The following CATSPERD variants were observed in gnomAD, a reference collection of about 807,000 sequenced individuals.
The protein encoded by CATSPERD is catsper channel auxiliary subunit delta.
In CATSPERD, 86 loss-of-function variants were observed where a neutral mutation model predicts 98.1. The observed-to-expected ratio is 0.88, with a 90% CI of 0.74 to 1.05. CATSPERD has a LOEUF of 1.05. Ranked by LOEUF, CATSPERD falls within the 50% of genes least tolerant of loss-of-function variation. The pLI is 0.00. For synonymous variants in CATSPERD, 394 were observed against 390.2 expected, an observed-to-expected ratio of 1.01 and a Z score of -0.12; for missense variants, 995 against 1,005.7, an observed-to-expected ratio of 0.99 and a Z score of 0.14.
At position 5,757,915 on chromosome 19, in the gene CATSPERD, A is replaced by G. The variant is rs776576982; in HGVS notation, c.1351A>G (p.Asn451Asp). 1.9e-6 allele frequency: 3 copies of G among 1,612,582 alleles called. No individual in the cohort carries two copies. The highest frequency in any genetic ancestry group is 2.5e-6 in the Non-Finnish European group (3 of 1,179,520). ...FYENGYTSDG[N>D]TKYKLDIFLK... is the part of the protein sequence containing the mutation. Reference sequence around the variant, plus strand: ...CGAGAACGGTTACACATCAGATGGGAACACCAAGTACAAACTGGTGAGCCG... The same window carrying G: ...CGAGAACGGTTACACATCAGATGGGGACACCAAGTACAAACTGGTGAGCCG... Residue 451 changes from asparagine to aspartate, a missense_variant, in exon 14 of 22, where the codon AAC (asparagine) becomes GAC (aspartate). Physicochemically the swap from Asn to Asp is conservative, Grantham distance 23. Around this residue, in one of 3 missense-constraint regions of CATSPERD, gnomAD observed 762 missense variants for 773.7 expected, o/e 0.98. Transcript: ENST00000381624.
chr19:5,777,681 G>A (rs566159136), intron 21 of CATSPERD, among the ~76,000 whole-genome samples: 1 of 152,090 alleles, frequency 6.6e-6, no homozygotes, highest in Non-Finnish European at 1.5e-5. Flanking sequence ...TCAGGAGTTC[G>A]AGACAAGCCT....
chr19:5,756,836 G>A (rs1009816671), intron 13 of CATSPERD, among the ~76,000 whole-genome samples: 4 of 151,782 alleles, frequency 2.6e-5, no homozygotes, highest in African/African-American at 7.3e-5. Flanking sequence ...CCAGCTACTC[G>A]GGAGGCTGAC....
intron 4 of CATSPERD, among the ~76,000 whole-genome samples, chr19:5,733,347 T>TCTTC (rs61055847): frequency 0.38 from 51,333 of 134,760 alleles, 10,767 homozygotes; most frequent in East Asian, 0.69. Flanking sequence ...TTTCTTTCTT[T>TCTTC]CTTCCTTCCT....
intron 18 of CATSPERD, 68 bp downstream of exon 18, chr19:5,768,310 A>T: frequency 8.7e-7 from 1 of 1,152,552 alleles, no homozygotes; most frequent in African/African-American, 1.7e-5. Context: ...AGCCAAGAGC[A>T]AATTAGGAAT....
chr19:5,776,050 T>C lies in CATSPERD; in HGVS notation c.1942-111T>C, dbSNP rs1440048158. On this transcript the variant is annotated intron_variant, in intron 20 of 21. Transcript: ENST00000381624. ...GCACTTGGCCCCAGAGTCCCACCCATGCGTGCCTAATGAGGACTGGGGTGG... is the reference window on the plus strand; with the variant it reads ...GCACTTGGCCCCAGAGTCCCACCCACGCGTGCCTAATGAGGACTGGGGTGG... 4.3e-6 allele frequency: 5 copies of C among 1,167,212 alleles called. No homozygotes were observed. The African/African-American group carries it at 4.6e-5, about 11-fold the overall frequency. The allele number at this position is 1,167,212 out of a possible 1,614,324, so 72.3% of individuals were successfully genotyped here.
At chr19:5,771,132 C>A in intron 19 of CATSPERD, 60 bp downstream of exon 19, 1 of 1,555,620 alleles carries the variant, frequency 6.4e-7, no homozygotes. Flanking sequence ...TGCTCCCTGG[C>A]CCTGGGGTAC....
chr19:5,730,511 C>T (rs1246709499), intron 4 of CATSPERD, among the ~76,000 whole-genome samples: 2 of 150,492 alleles, frequency 1.3e-5, no homozygotes, highest in Admixed American at 1.3e-4. Flanking sequence ...GCACTGCACT[C>T]CAGCCTGGGC....
chr19:5,742,275 T>C (rs1481466165), intron 7 of CATSPERD, among the ~76,000 whole-genome samples: 1 of 145,756 alleles, frequency 6.9e-6, no homozygotes, highest in Non-Finnish European at 1.5e-5. Flanking sequence ...TGTGCATGTG[T>C]GTACGTGTGT....
chr19:5,762,342 G>A (rs1321243882), intron 15 of CATSPERD, among the ~76,000 whole-genome samples: 1 of 151,818 alleles, frequency 6.6e-6, no homozygotes, highest in Non-Finnish European at 1.5e-5. Flanking sequence ...GAGATTACAG[G>A]CATGACCCAC....
intron 16 of CATSPERD, among the ~76,000 whole-genome samples, chr19:5,764,368 T>G (rs1489549340): frequency 1.3e-5 from 2 of 152,068 alleles, no homozygotes; most frequent in Non-Finnish European, 2.9e-5. Context: ...CAGGTTGGAG[T>G]GCAGTGGTGC....
intron 1 of CATSPERD, among the ~76,000 whole-genome samples, chr19:5,723,104 G>A (rs1275411919): frequency 6.7e-6 from 1 of 150,154 alleles, no homozygotes; most frequent in African/African-American, 2.4e-5. Context: ...GGAGAATGGC[G>A]TGAACCCGGG....
intron 20 of CATSPERD, 61 bp downstream of exon 20, chr19:5,773,026 G>GCGTGAGGACAC: frequency 6.5e-7 from 1 of 1,532,400 alleles, no homozygotes; most frequent in Non-Finnish European, 8.9e-7. Flanking sequence ...GTGGGAGAGT[G>GCGTGAGGACAC]CGTGAGGACA....
Position 5,739,311 on chromosome 19 carries a change from T to C in CATSPERD, c.460-15T>C. ...CATCTTTCTTTCATTCTTTCTTTCT[T>C]TTTTTTTTTTATAGCATGTCAGTAA... On this transcript the variant is annotated splice_polypyrimidine_tract_variant and intron_variant, in intron 6 of 21. Coordinates refer to ENST00000381624, the MANE Select transcript of CATSPERD (RefSeq NM_152784.4). The C allele has an allele frequency of 3.3e-6, 4 of 1,216,276 alleles. No homozygotes were observed. Among genetic ancestry groups the C allele is most frequent in the Non-Finnish European group, 4.7e-6 (4 of 856,580 alleles). 75.3% of individuals were successfully genotyped at this position (1,216,276 alleles called of 1,614,324 possible).
rs1206400983 is a variant in CATSPERD, at chr19:5,733,396, CTTCCT to C, written c.277-456_277-452del. On this transcript the variant is annotated intron_variant, in intron 4 of 21. Transcript: ENST00000381624. ...CCTTCCCTCCCTCTCTGCCTCCTTC[CTTCCT>C]TTCTTCTCCTTCCTTCCTTCCTTCC... Among the ~76,000 whole-genome samples, 7 of 146,484 alleles carry C rather than the reference CTTCCT, an allele frequency of 4.8e-5. No homozygotes were observed. The East Asian group carries it at 1.2e-3, about 25-fold the overall frequency.
intron 15 of CATSPERD, among the ~76,000 whole-genome samples, chr19:5,762,821 T>C (rs2056467173): frequency 6.7e-6 from 1 of 149,680 alleles, no homozygotes; most frequent in African/African-American, 2.5e-5. Flanking sequence ...GATGGATGGA[T>C]GGATAAATGG....
intron 16 of CATSPERD, 85 bp from the exon 17 acceptor site, chr19:5,766,018 C>A (rs2056531396): frequency 2.0e-6 from 2 of 1,010,920 alleles, no homozygotes; most frequent in South Asian, 1.6e-5. Context: ...ACCATTCCCA[C>A]AGGAGTGTGT....
chr19:5,723,338 A>G, intron 1 of CATSPERD, among the ~76,000 whole-genome samples: 1 of 151,242 alleles, frequency 6.6e-6, no homozygotes, highest in Non-Finnish European at 1.5e-5. Flanking sequence ...GCTGGAGTGC[A>G]GTGTGGCAAG....
chr19:5,753,027 C>CAAA (rs139627967), intron 12 of CATSPERD, among the ~76,000 whole-genome samples: 2 of 98,970 alleles, frequency 2.0e-5, no homozygotes, highest in Non-Finnish European at 4.3e-5. Flanking sequence ...GACTCCATGT[C>CAAA]AAAAAAAAAA....
intron 7 of CATSPERD, among the ~76,000 whole-genome samples, chr19:5,743,742 G>A (rs1009474848): frequency 1.4e-5 from 1 of 72,128 alleles, no homozygotes; most frequent in Non-Finnish European, 3.3e-5. Context: ...GCAAGATGTG[G>A]GAGGTAGCCA....
Sources: gnomAD v4.1 joint callset for allele counts (sites outside exome capture counted in the v4.1 genomes callset) on GRCh38, gnomAD v4.1.1 for gene constraint, gnomAD v4.1.1 regional missense constraint, MANE v1.5 for transcripts, NCBI Gene and HGNC (gene_info 2026-07-23, HGNC 2026-07-21) for gene names.